The following SLC22A3 variants were observed in gnomAD, a reference collection of about 807,000 sequenced individuals.
SLC22A3 encodes the protein solute carrier family 22 member 3.
Under a neutral mutation model 59.1 loss-of-function variants are expected in SLC22A3, and 51 were observed. That is an observed-to-expected ratio of 0.86 (90% CI 0.69 to 1.09). The LOEUF is 1.09. SLC22A3 is among the 50% of genes least tolerant of loss of function. The probability of loss-of-function intolerance (pLI) is 0.00; values close to 1 mark genes in which losing one functional copy is unlikely to be tolerated. For missense variants in SLC22A3, 711 were observed against 726.3 expected, an observed-to-expected ratio of 0.98 and a Z score of 0.24; for synonymous variants, 325 against 292.0, an observed-to-expected ratio of 1.11 and a Z score of -1.15.
rs148821505 is a variant in SLC22A3 at position 160,362,214 on chromosome 6, G to A, written c.429+13366G>A. Among the ~76,000 whole-genome samples, 502 of 152,316 alleles carry A rather than the reference G, an allele frequency of 3.3e-3. 1 individual carries two copies. The highest frequency in any genetic ancestry group is 5.7e-3 in the Non-Finnish European group (387 of 68,030). On this transcript the variant is annotated intron_variant, in intron 1 of 10. Transcript: ENST00000275300. ...ATGCCTCTCAGTTTCCATCTGAAAA[G>A]CCTGGTATTAATCCAATAATTCAAT...
intron 1 of SLC22A3, among the ~76,000 whole-genome samples, chr6:160,355,950 C>T (rs567380832): frequency 6.6e-6 from 1 of 152,362 alleles, no homozygotes; most frequent in African/African-American, 2.4e-5. Flanking sequence ...CTTGTGCTCA[C>T]TGCCTCATCA....
At chr6:160,439,230 G>A (rs1373770771) in intron 7 of SLC22A3, among the ~76,000 whole-genome samples, 3 of 152,018 alleles carry the variant, frequency 2.0e-5, no homozygotes, top group African/African-American at 7.2e-5. Flanking sequence ...GTGAAAAATC[G>A]CAAACATTGG....
chr6:160,389,549 T>C (rs1786164437), intron 1 of SLC22A3, among the ~76,000 whole-genome samples: 1 of 152,230 alleles, frequency 6.6e-6, no homozygotes, highest in South Asian at 2.1e-4. Context: ...CACTGTGCCC[T>C]GATGTGCAGC....
intron 5 of SLC22A3, among the ~76,000 whole-genome samples, chr6:160,431,698 G>A (rs1418414393): frequency 1.3e-5 from 2 of 151,970 alleles, no homozygotes; most frequent in African/African-American, 4.8e-5. Flanking sequence ...TTTATGGAGT[G>A]GATTGGAGTA....
intron 1 of SLC22A3, among the ~76,000 whole-genome samples, chr6:160,352,037 A>G (rs375659515): frequency 4.6e-5 from 7 of 152,328 alleles, no homozygotes; most frequent in South Asian, 2.1e-4. Flanking sequence ...TGGTCCTCCA[A>G]TGGGCTACTT....
chr6:160,371,962 C>CTTT (rs1785413694), intron 1 of SLC22A3, among the ~76,000 whole-genome samples: 1 of 151,956 alleles, frequency 6.6e-6, no homozygotes, highest in Admixed American at 6.6e-5. Flanking sequence ...GTTTGTTGGC[C>CTTT]GGATAAATGT....
intron 7 of SLC22A3, 73 bp downstream of exon 7, chr6:160,437,284 G>A: frequency 6.9e-7 from 1 of 1,442,478 alleles, no homozygotes; most frequent in South Asian, 1.1e-5. Context: ...AGTATAGGGA[G>A]CCACTTGTTC....
chr6:160,366,171 C>A (rs976888340), intron 1 of SLC22A3, among the ~76,000 whole-genome samples: 18 of 152,194 alleles, frequency 1.2e-4, no homozygotes, highest in African/African-American at 4.3e-4. Context: ...CCCCCAAATT[C>A]TTAACTTATT....
chr6:160,397,675 A>C (rs1786543076), intron 1 of SLC22A3, among the ~76,000 whole-genome samples: 1 of 150,854 alleles, frequency 6.6e-6, no homozygotes, highest in Non-Finnish European at 1.5e-5. Flanking sequence ...CAGAGGTTGC[A>C]GTAAGCAGAG....
At chr6:160,373,088 G>T (rs986065391) in intron 1 of SLC22A3, among the ~76,000 whole-genome samples, 9 of 152,088 alleles carry the variant, frequency 5.9e-5, no homozygotes, top group South Asian at 4.1e-4. Flanking sequence ...GCAGTGTCCT[G>T]GCTTTTGGAA....
At chr6:160,369,881 C>T (rs1785339958) in intron 1 of SLC22A3, among the ~76,000 whole-genome samples, 1 of 152,236 alleles carries the variant, frequency 6.6e-6, no homozygotes, top group Non-Finnish European at 1.5e-5. Context: ...TCTTTCTGCT[C>T]CACAAAGTGC....
chr6:160,410,740 A>C lies in SLC22A3; in HGVS notation c.869A>C (p.Glu290Ala). Residue 290 changes from glutamate (E) to alanine (A), a missense_variant, in exon 5 of 11, where the codon GAG (glutamate) becomes GCG (alanine). By Grantham distance (107) the Glu-to-Ala change is moderately radical. Coordinates refer to ENST00000275300, the MANE Select transcript of SLC22A3 (RefSeq NM_021977.4). ...LFLLYYWVVP[E>A]SPRWLITRKK... is the part of the protein sequence containing the mutation. The stretch of plus-strand genomic sequence containing the variant: ...TCCTTCTTTGCCAGGGTGGTCCCTG[A>C]GTCTCCCCGTTGGCTGATTACTCGG... 2 of 1,611,936 alleles carry C rather than the reference A, an allele frequency of 1.2e-6. No individual in the cohort carries two copies. The highest frequency in any genetic ancestry group is 1.7e-6 in the Non-Finnish European group (2 of 1,178,256).
At position 160,396,560 on chromosome 6, in the gene SLC22A3, A is replaced by C. The variant is rs1164140664; in HGVS notation, c.430-1419A>C. Among the ~76,000 whole-genome samples, 3 of 152,330 alleles carry C rather than the reference A, an allele frequency of 2.0e-5. No homozygotes were observed. The East Asian group carries it at 5.8e-4, about 29-fold the overall frequency. On this transcript the variant is annotated intron_variant, in intron 1 of 10. Coordinates refer to ENST00000275300, the MANE Select transcript of SLC22A3 (RefSeq NM_021977.4). Reference sequence around the variant, plus strand: ...ATATGGAAAAATCTTCTTGGCCCATAAATTTATAAAAATGAAAAACAGAAA... The same window carrying C: ...ATATGGAAAAATCTTCTTGGCCCATCAATTTATAAAAATGAAAAACAGAAA...
chr6:160,412,772 C>T, intron 5 of SLC22A3, among the ~76,000 whole-genome samples: 1 of 152,062 alleles, frequency 6.6e-6, no homozygotes, highest in South Asian at 2.1e-4. Context: ...TTTTAATCAT[C>T]CAGTGAATAA....
chr6:160,363,940 G>A (rs944849874), intron 1 of SLC22A3, among the ~76,000 whole-genome samples: 1 of 151,796 alleles, frequency 6.6e-6, no homozygotes, highest in Non-Finnish European at 1.5e-5. Context: ...CCTGGGATAC[G>A]AACTTTCAGT....
At chr6:160,375,407 G>T (rs1183119646) in intron 1 of SLC22A3, among the ~76,000 whole-genome samples, 1 of 152,126 alleles carries the variant, frequency 6.6e-6, no homozygotes, top group Non-Finnish European at 1.5e-5. Flanking sequence ...AGATCAAGAT[G>T]CATAACTCTT....
intron 9 of SLC22A3, among the ~76,000 whole-genome samples, chr6:160,447,138 G>A (rs1038714792): frequency 1.3e-5 from 2 of 152,240 alleles, no homozygotes; most frequent in Non-Finnish European, 2.9e-5. Flanking sequence ...ATGGAAGGAT[G>A]AGGTGAGATT....
chr6:160,435,757 T>C (rs1270200964), intron 5 of SLC22A3, among the ~76,000 whole-genome samples: 1 of 152,162 alleles, frequency 6.6e-6, no homozygotes, highest in Non-Finnish European at 1.5e-5. Context: ...TTGTCCTTAG[T>C]AGCCAGCATT....
At chr6:160,382,165 A>G (rs1206825489) in intron 1 of SLC22A3, among the ~76,000 whole-genome samples, 2 of 152,178 alleles carry the variant, frequency 1.3e-5, no homozygotes, top group Non-Finnish European at 2.9e-5. Flanking sequence ...TTATTCACTT[A>G]TTAACTGAGT....
Sources: allele counts gnomAD v4.1 joint callset (sites outside exome capture counted in the v4.1 genomes callset), GRCh38; gene constraint gnomAD v4.1.1; transcripts MANE v1.5; gene names NCBI Gene and HGNC (gene_info 2026-07-23, HGNC 2026-07-21).